DHX57: variants seen among roughly 807,000 people sequenced by gnomAD.
DHX57 encodes the protein DExH-box helicase 57, also known as putative ATP-dependent RNA helicase DHX57.
A neutral mutation model predicts 156.2 loss-of-function variants in DHX57; 105 were observed. The observed-to-expected ratio is 0.67, with a 90% CI of 0.57 to 0.79. The LOEUF (loss-of-function observed/expected upper bound fraction) is 0.79, where lower values mean the gene tolerates loss of function less well. Ranked by LOEUF, DHX57 falls within the 30% of genes least tolerant of loss-of-function variation. The pLI is 0.00. For missense variants in DHX57, 1,847 were observed against 1,661.9 expected, an observed-to-expected ratio of 1.11 and a Z score of -1.94; for synonymous variants, 704 against 595.6, an observed-to-expected ratio of 1.18 and a Z score of -2.65.
At chr2:38,845,077 G>C (rs976898397) in intron 11 of DHX57, among the ~76,000 whole-genome samples, 1 of 152,046 alleles carries the variant, frequency 6.6e-6, no homozygotes, top group Non-Finnish European at 1.5e-5. Context: ...CACATCTGTA[G>C]TCCCAGCTAC....
rs536086008 is a variant in DHX57 at position 38,875,917 on chromosome 2, A to G, written c.-137T>C. On this transcript the variant is annotated 5_prime_UTR_variant, in exon 1 of 24. Coordinates refer to ENST00000457308, the MANE Select transcript of DHX57 (RefSeq NM_198963.3). ...CCTGCGGTGGCCCAGCTGCAGCGGC[A>G]CAGTCCCGGCGCCTTCTGATTGGCT... 7.6e-5 allele frequency: 30 copies of G among 396,884 alleles called. No homozygotes were observed. Among genetic ancestry groups the G allele is most frequent in the South Asian group, 1.4e-4 (1 of 7,090 alleles). The allele number at this position is 396,884 out of a possible 1,614,324, so 24.6% of individuals were successfully genotyped here.
chr2:38,870,581 C>T (rs1456984929), intron 1 of DHX57, among the ~76,000 whole-genome samples: 2 of 152,064 alleles, frequency 1.3e-5, no homozygotes, highest in East Asian at 3.9e-4. Flanking sequence ...ATTTAAAATA[C>T]TCAAAGAAAA....
At chr2:38,818,155 G>A (rs867185213) in intron 19 of DHX57, among the ~76,000 whole-genome samples, 2 of 152,100 alleles carry the variant, frequency 1.3e-5, no homozygotes, top group Non-Finnish European at 2.9e-5. Flanking sequence ...GCTATGGTCC[G>A]CCTCTCCAGA....
chr2:38,828,283 A>G, intron 14 of DHX57, 57 bp downstream of exon 14: 5 of 1,339,028 alleles, frequency 3.7e-6, no homozygotes, highest in South Asian at 1.3e-5. Context: ...GAGGGTGATG[A>G]TATCTTTAGA....
intron 17 of DHX57, 126 bp downstream of exon 17, chr2:38,822,865 TAA>T: frequency 9.9e-7 from 1 of 1,007,382 alleles, no homozygotes; most frequent in Non-Finnish European, 1.4e-6. Context: ...AGATGTGCCC[TAA>T]AAATTCACAG....
intron 4 of DHX57, 79 bp downstream of exon 4, chr2:38,862,066 C>T: frequency 6.8e-7 from 1 of 1,461,852 alleles, no homozygotes; most frequent in Admixed American, 2.2e-5. Context: ...GGAAAGTACA[C>T]AAAGAGGGGT....
chr2:38,824,144 T>C (rs1368545174), intron 16 of DHX57, among the ~76,000 whole-genome samples: 1 of 152,170 alleles, frequency 6.6e-6, no homozygotes, highest in Non-Finnish European at 1.5e-5. Flanking sequence ...GAAAGTGCAG[T>C]ATATATACAT....
intron 2 of DHX57, 79 bp downstream of exon 2, chr2:38,868,103 C>T: frequency 6.5e-7 from 1 of 1,527,028 alleles, no homozygotes; most frequent in Admixed American, 2.0e-5. Context: ...ACTTTTTTTC[C>T]ATTCTCAGCC....
At chr2:38,832,761 C>T (rs1379713157) in intron 13 of DHX57, among the ~76,000 whole-genome samples, 1 of 151,874 alleles carries the variant, frequency 6.6e-6, no homozygotes, top group African/African-American at 2.4e-5. Flanking sequence ...TGGTCTCGAA[C>T]TCCTGACTTT....
chr2:38,806,754 T>C, intron 21 of DHX57, 61 bp from the exon 22 acceptor site: 1 of 1,511,832 alleles, frequency 6.6e-7, no homozygotes, highest in Non-Finnish European at 8.9e-7. Flanking sequence ...AGAAAGTATC[T>C]CTTGGCACAA....
At chr2:38,849,178 G>A (rs912715168) in intron 9 of DHX57, among the ~76,000 whole-genome samples, 1 of 152,046 alleles carries the variant, frequency 6.6e-6, no homozygotes, top group Non-Finnish European at 1.5e-5. Context: ...ACTGATAAAT[G>A]GTTAATTATA....
intron 6 of DHX57, among the ~76,000 whole-genome samples, chr2:38,858,093 G>C (rs111499553): frequency 1.4e-4 from 22 of 152,202 alleles, no homozygotes; most frequent in Non-Finnish European, 2.9e-4. Context: ...ACAGAGTCTT[G>C]CTCTGTTGCC....
Position 38,828,609 on chromosome 2 carries a change from G to C in DHX57, c.2543-173C>G, listed in dbSNP as rs975123453. On this transcript the variant is annotated intron_variant, in intron 13 of 23. Coordinates refer to ENST00000457308, the MANE Select transcript of DHX57 (RefSeq NM_198963.3). ...TCTGAGAATTTCGCCTGTGGTCTCA[G>C]CTACTCGGCAGGCTGAGGTAGGAGG... 4.3e-4 allele frequency among the ~76,000 whole-genome samples: 66 copies of C among 152,134 alleles called. 1 individual carries two copies. The highest frequency in any genetic ancestry group is 1.5e-3 in the African/African-American group (64 of 41,510).
At chr2:38,831,322 C>CTTTTTTTTTTTT (rs11348384) in intron 13 of DHX57, among the ~76,000 whole-genome samples, 1 of 116,950 alleles carries the variant, frequency 8.6e-6, no homozygotes, top group African/African-American at 2.9e-5. Context: ...TTCTTTATTT[C>CTTTTTTTTTTTT]TTTTTTTTTT....
intron 15 of DHX57, 94 bp from the exon 16 acceptor site, chr2:38,826,141 T>C (rs916028462): frequency 7.8e-7 from 1 of 1,286,840 alleles, no homozygotes; most frequent in South Asian, 1.4e-5. Flanking sequence ...AGCTTCCTCC[T>C]GTAGAGGGAC....
intron 22 of DHX57, among the ~76,000 whole-genome samples, chr2:38,805,789 G>A (rs900078531): frequency 2.0e-5 from 3 of 152,044 alleles, no homozygotes; most frequent in African/African-American, 7.2e-5. Flanking sequence ...TCTAGCTGAT[G>A]TTTTCCAGCA....
In DHX57 at chr2:38,823,139, C is replaced by A. The variant is rs780919884; in HGVS notation, c.3145G>T (p.Asp1049Tyr). Residue 1049 changes from aspartate to tyrosine, a missense_variant, in exon 17 of 24, where the codon GAT (aspartate) becomes TAT (tyrosine). Coordinates refer to ENST00000457308, the MANE Select transcript of DHX57 (RefSeq NM_198963.3). ...RLRDLGALTP[D>Y]ERLTPLGYHL... is the part of the protein sequence containing the mutation. ...TACCCAAGAGGGGTCAATCTTTCATCTGGAGTTAATGCTCCTAAGTCTCGT... is the reference window on the plus strand; with the variant it reads ...TACCCAAGAGGGGTCAATCTTTCATATGGAGTTAATGCTCCTAAGTCTCGT... 3.7e-6 allele frequency: 6 copies of A among 1,614,068 alleles called. No individual in the cohort carries two copies. Among genetic ancestry groups the A allele is most frequent in the Non-Finnish European group, 5.1e-6 (6 of 1,180,056 alleles).
chr2:38,856,584 A>G (rs1473347116), intron 6 of DHX57, 123 bp from the exon 7 acceptor site: 2 of 1,265,706 alleles, frequency 1.6e-6, no homozygotes, highest in East Asian at 2.7e-5. Flanking sequence ...GCTCACTCCA[A>G]TCTGCACTTC....
chr2:38,834,688 A>G (rs1671563282), intron 13 of DHX57, among the ~76,000 whole-genome samples: 1 of 152,178 alleles, frequency 6.6e-6, no homozygotes, highest in Non-Finnish European at 1.5e-5. Flanking sequence ...AGCAGAGAAA[A>G]GTCATGACAT....
Sources: allele counts gnomAD v4.1 joint callset (sites outside exome capture counted in the v4.1 genomes callset), GRCh38; gene constraint gnomAD v4.1.1; transcripts MANE v1.5; gene names NCBI Gene and HGNC (gene_info 2026-07-23, HGNC 2026-07-21).